Variants in LRMDA observed in about 807,000 individuals in gnomAD.
LRMDA encodes leucine-rich melanocyte differentiation-associated protein.
In LRMDA, 18 loss-of-function variants were observed where a neutral mutation model predicts 29.8. That is an observed-to-expected ratio of 0.60 (90% CI 0.42 to 0.90). The LOEUF is 0.90. LRMDA is among the 40% of genes least tolerant of loss of function. LRMDA has a pLI of 0.00. For synonymous variants in LRMDA, 125 were observed against 109.4 expected (o/e 1.14, Z -0.89); for missense variants, 273 against 273.9 (o/e 1.00, Z 0.02).
At chr10:76,163,323 A>G (rs185571720) in intron 5 of LRMDA, among the ~76,000 whole-genome samples, 55 of 152,280 alleles carry the variant, frequency 3.6e-4, no homozygotes, top group African/African-American at 1.3e-3. Flanking sequence ...GTGTAGAGAA[A>G]TCTGAGTGGG....
At chr10:76,292,513 G>A (rs1260076118) in intron 5 of LRMDA, among the ~76,000 whole-genome samples, 1 of 152,128 alleles carries the variant, frequency 6.6e-6, no homozygotes, top group Non-Finnish European at 1.5e-5. Flanking sequence ...AATGTAGCTG[G>A]ATGTGCAGCA....
chr10:76,477,751 A>T (rs949071767), intron 6 of LRMDA, among the ~76,000 whole-genome samples: 1 of 152,096 alleles, frequency 6.6e-6, no homozygotes, highest in African/African-American at 2.4e-5. Context: ...AATACCACAC[A>T]TGTACAACTC....
At chr10:75,584,499 G>T (rs970554693) in intron 2 of LRMDA, among the ~76,000 whole-genome samples, 1 of 152,166 alleles carries the variant, frequency 6.6e-6, no homozygotes, top group African/African-American at 2.4e-5. Context: ...GTGCATGGTG[G>T]GTGCTCAGTG....
At chr10:75,686,826 C>T (rs567779871) in intron 2 of LRMDA, among the ~76,000 whole-genome samples, 1 of 152,284 alleles carries the variant, frequency 6.6e-6, no homozygotes, top group Admixed American at 6.5e-5. Context: ...CTGTTGGTGC[C>T]ATTTTCCAAG....
intron 2 of LRMDA, among the ~76,000 whole-genome samples, chr10:75,763,898 A>G (rs528421646): frequency 1.3e-5 from 2 of 152,264 alleles, no homozygotes; most frequent in African/African-American, 4.8e-5. Context: ...CTCTAGCTGA[A>G]TGATGCAGGG....
chr10:75,631,736 T>C (rs1049481455), intron 2 of LRMDA, among the ~76,000 whole-genome samples: 1 of 152,170 alleles, frequency 6.6e-6, no homozygotes, highest in Non-Finnish European at 1.5e-5. Context: ...AAGTGACAGC[T>C]CTTGGCCCCT....
chr10:75,806,766 C>G (rs1474963086), intron 2 of LRMDA, among the ~76,000 whole-genome samples: 1 of 147,826 alleles, frequency 6.8e-6, no homozygotes, highest in Non-Finnish European at 1.5e-5. Flanking sequence ...CTAGGACCCC[C>G]ATGTCTTAAC....
intron 5 of LRMDA, among the ~76,000 whole-genome samples, chr10:76,216,886 G>A (rs1851738806): frequency 6.6e-6 from 1 of 152,170 alleles, no homozygotes; most frequent in African/African-American, 2.4e-5. Flanking sequence ...ACCAATGAGT[G>A]AATGAATGAA....
chr10:76,421,028 C>T (rs950090093), intron 6 of LRMDA, among the ~76,000 whole-genome samples: 9 of 152,032 alleles, frequency 5.9e-5, no homozygotes, highest in Non-Finnish European at 1.2e-4. Flanking sequence ...TATACATGTG[C>T]GTATGATCAA....
At chr10:76,131,081 C>T (rs1849984473) in intron 5 of LRMDA, among the ~76,000 whole-genome samples, 1 of 152,182 alleles carries the variant, frequency 6.6e-6, no homozygotes. Flanking sequence ...CAAAAATGCA[C>T]ATTTATGGTC....
chr10:76,094,077 C>A (rs1564651143), intron 5 of LRMDA, among the ~76,000 whole-genome samples: 1 of 152,126 alleles, frequency 6.6e-6, no homozygotes, highest in Non-Finnish European at 1.5e-5. Context: ...TTGAAAGGAG[C>A]AGCACTGTTC....
intron 5 of LRMDA, among the ~76,000 whole-genome samples, chr10:76,267,118 C>T (rs537641180): frequency 6.6e-5 from 10 of 152,188 alleles, no homozygotes; most frequent in African/African-American, 2.4e-4. Context: ...ATGGCATTCC[C>T]ACAGTTGAGA....
At chr10:76,206,906 A>G (rs1037071603) in intron 5 of LRMDA, among the ~76,000 whole-genome samples, 2 of 152,206 alleles carry the variant, frequency 1.3e-5, no homozygotes, top group African/African-American at 4.8e-5. Flanking sequence ...GGGGCTTGCT[A>G]TGCGCCAAAC....
intron 2 of LRMDA, among the ~76,000 whole-genome samples, chr10:75,804,138 C>T (rs1265288810): frequency 6.6e-6 from 1 of 152,190 alleles, no homozygotes; most frequent in African/African-American, 2.4e-5. Context: ...GCTCCTGTTT[C>T]CTTTCCACCA....
rs576700466 is a variant in LRMDA, at chr10:76,178,973, G to A, written c.516+120190G>A. Among the ~76,000 whole-genome samples, 7 of 152,304 alleles carry A rather than the reference G, an allele frequency of 4.6e-5. No homozygotes were observed. In the South Asian group the frequency reaches 1.5e-3, roughly 32 times the overall value. ...CCGTGTTTGTTCACAAGAGAACCCA[G>A]CCAGAGTTTTGTGAGAGACCAGACA... On this transcript the variant is annotated intron_variant, in intron 5 of 6. Transcript: ENST00000611255.
At chr10:76,131,675 A>G (rs186684697) in intron 5 of LRMDA, among the ~76,000 whole-genome samples, 7 of 150,148 alleles carry the variant, frequency 4.7e-5, no homozygotes, top group Non-Finnish European at 1.5e-5. Context: ...TTTTTTTTTT[A>G]AAGAAAAACC....
intron 5 of LRMDA, among the ~76,000 whole-genome samples, chr10:76,176,577 T>C (rs946771199): frequency 6.6e-6 from 1 of 152,208 alleles, no homozygotes; most frequent in African/African-American, 2.4e-5. Flanking sequence ...GCGGATCACC[T>C]GAGTTCAGGA....
chr10:75,558,777 T>C (rs1402765878), intron 2 of LRMDA, among the ~76,000 whole-genome samples: 1 of 147,994 alleles, frequency 6.8e-6, no homozygotes. Flanking sequence ...TGAGAACATG[T>C]GGTGTTTGGT....
chr10:75,835,870 C>T (rs964164033), intron 2 of LRMDA, among the ~76,000 whole-genome samples: 48 of 152,172 alleles, frequency 3.2e-4, no homozygotes, highest in African/African-American at 4.1e-4. Context: ...GTGAATTAGC[C>T]AAAATGGTGC....
Sources: allele counts gnomAD v4.1 joint callset (sites outside exome capture counted in the v4.1 genomes callset), GRCh38; gene constraint gnomAD v4.1.1; transcripts MANE v1.5; gene names NCBI Gene and HGNC (gene_info 2026-07-23, HGNC 2026-07-21).